LIPC: variants seen among roughly 807,000 people sequenced by gnomAD.
The protein encoded by LIPC is lipase C, hepatic type.
A neutral mutation model predicts 50.7 loss-of-function variants in LIPC; 44 were observed. The observed-to-expected ratio is 0.87, with a 90% CI of 0.68 to 1.11. The LOEUF (loss-of-function observed/expected upper bound fraction) is 1.11, where lower values mean the gene tolerates loss of function less well. Among genes scored for constraint, LIPC ranks in the 50% most tolerant of loss-of-function variants. The pLI is 0.00. For synonymous variants in LIPC, 271 were observed against 256.4 expected, an observed-to-expected ratio of 1.06 and a Z score of -0.54; for missense variants, 697 against 648.2, an observed-to-expected ratio of 1.08 and a Z score of -0.82.
chr15:58,567,294 C>T (rs55671731), intron 8 of LIPC, among the ~76,000 whole-genome samples: 25 of 76,780 alleles, frequency 3.3e-4, no homozygotes, highest in Admixed American at 4.1e-4. Flanking sequence ...TATATATATA[C>T]ATATATATAT....
At chr15:58,466,307 C>T (rs558647467) in intron 1 of LIPC, among the ~76,000 whole-genome samples, 1 of 152,320 alleles carries the variant, frequency 6.6e-6, no homozygotes, top group East Asian at 1.9e-4. Flanking sequence ...TAAAAAGGTT[C>T]TGGAAATTCC....
intron 6 of LIPC, among the ~76,000 whole-genome samples, chr15:58,558,516 C>T (rs1421756258): frequency 6.6e-6 from 1 of 152,210 alleles, no homozygotes; most frequent in Non-Finnish European, 1.5e-5. Context: ...AATTAGGATC[C>T]GGGCCTCACA....
At chr15:58,562,835 T>C (rs1176776118) in intron 7 of LIPC, among the ~76,000 whole-genome samples, 3 of 127,850 alleles carry the variant, frequency 2.3e-5, no homozygotes, top group Non-Finnish European at 4.8e-5. Context: ...TCCATCTGCC[T>C]CGCCCTAAAT....
At chr15:58,545,643 C>T in intron 4 of LIPC, 99 bp from the exon 5 acceptor site, 1 of 1,001,844 alleles carries the variant, frequency 1.0e-6, no homozygotes, top group South Asian at 1.4e-5. Flanking sequence ...CTTCTTCCTG[C>T]TAGTTCACTG....
intron 1 of LIPC, among the ~76,000 whole-genome samples, chr15:58,509,902 C>T (rs1393043651): frequency 6.6e-6 from 1 of 151,616 alleles, no homozygotes; most frequent in African/African-American, 2.4e-5. Context: ...ACTGGTATCA[C>T]CAATTAAAAA....
chr15:58,481,101 G>C (rs1001949183), intron 1 of LIPC, among the ~76,000 whole-genome samples: 1 of 152,086 alleles, frequency 6.6e-6, no homozygotes, highest in Admixed American at 6.6e-5. Context: ...CCCTCCATGG[G>C]ATACACTGGG....
intron 1 of LIPC, among the ~76,000 whole-genome samples, chr15:58,530,927 T>C (rs143935152): frequency 6.6e-6 from 1 of 152,348 alleles, no homozygotes; most frequent in East Asian, 1.9e-4. Flanking sequence ...GATATTTGGG[T>C]TGTTTCAGAT....
chr15:58,514,654 T>C (rs1892431797), intron 1 of LIPC, among the ~76,000 whole-genome samples: 1 of 151,926 alleles, frequency 6.6e-6, no homozygotes, highest in Non-Finnish European at 1.5e-5. Flanking sequence ...CAAAACCCCA[T>C]CTCCAGTAAA....
intron 5 of LIPC, 114 bp from the exon 6 acceptor site, chr15:58,548,216 G>T: frequency 7.2e-7 from 1 of 1,395,878 alleles, no homozygotes. Context: ...GCCCACCCTT[G>T]CCTGTTCTGT....
At chr15:58,466,385 T>C (rs1283117878) in intron 1 of LIPC, among the ~76,000 whole-genome samples, 5 of 152,220 alleles carry the variant, frequency 3.3e-5, no homozygotes, top group Admixed American at 3.3e-4. Flanking sequence ...ATGTTTTCCA[T>C]CTGGTATACA....
chr15:58,519,737 G>T (rs549330587), intron 1 of LIPC, among the ~76,000 whole-genome samples: 2 of 152,342 alleles, frequency 1.3e-5, no homozygotes, highest in Non-Finnish European at 2.9e-5. Context: ...CTGGGGTGGT[G>T]TATTGTGTCT....
intron 1 of LIPC, among the ~76,000 whole-genome samples, chr15:58,438,580 C>T (rs1357242149): frequency 3.9e-5 from 6 of 152,182 alleles, no homozygotes; most frequent in African/African-American, 7.2e-5. Context: ...TGTCCAGCAG[C>T]GGGTGGAGGA....
chr15:58,508,564 TTATTA>T (rs1429185914), intron 1 of LIPC, among the ~76,000 whole-genome samples: 6 of 152,166 alleles, frequency 3.9e-5, no homozygotes, highest in Non-Finnish European at 8.8e-5. Flanking sequence ...CTCCATCCCT[TTATTA>T]GTATTGAACT....
chr15:58,535,522 C>G (rs538267057), intron 1 of LIPC, among the ~76,000 whole-genome samples: 3 of 152,216 alleles, frequency 2.0e-5, no homozygotes, highest in Non-Finnish European at 4.4e-5. Context: ...AGCCTCGAAG[C>G]CTCAGCCACC....
intron 5 of LIPC, among the ~76,000 whole-genome samples, chr15:58,547,328 G>C (rs1021711350): frequency 6.6e-6 from 1 of 152,106 alleles, no homozygotes; most frequent in Non-Finnish European, 1.5e-5. Context: ...TGGATGTCTT[G>C]GAAGCTCAGT....
intron 6 of LIPC, among the ~76,000 whole-genome samples, chr15:58,555,118 C>A (rs1471525493): frequency 1.3e-5 from 2 of 152,184 alleles, no homozygotes; most frequent in East Asian, 3.9e-4. Flanking sequence ...GCCTTTGCAT[C>A]CTCTAAAGCT....
intron 6 of LIPC, among the ~76,000 whole-genome samples, chr15:58,553,769 G>A (rs148012075): frequency 1.6e-3 from 247 of 152,090 alleles, no homozygotes; most frequent in Admixed American, 2.8e-3. Context: ...TTCTTCACTC[G>A]CGCCTGCTCT....
At chr15:58,460,579 C>T (rs1432407589) in intron 1 of LIPC, among the ~76,000 whole-genome samples, 3 of 152,234 alleles carry the variant, frequency 2.0e-5, no homozygotes, top group Non-Finnish European at 4.4e-5. Flanking sequence ...TAACGCTGCT[C>T]TCCACGGCTG....
chr15:58,531,174 G>A (rs1192261995), intron 1 of LIPC, among the ~76,000 whole-genome samples: 2 of 152,190 alleles, frequency 1.3e-5, no homozygotes, highest in Non-Finnish European at 2.9e-5. Context: ...TCTAAAGGGA[G>A]AGAAGTGATA....
Sources: gnomAD v4.1 joint callset for allele counts (sites outside exome capture counted in the v4.1 genomes callset) on GRCh38, gnomAD v4.1.1 for gene constraint, MANE v1.5 for transcripts, NCBI Gene and HGNC (gene_info 2026-07-23, HGNC 2026-07-21) for gene names.